ANKIB1: variants seen among roughly 807,000 people sequenced by gnomAD.
ANKIB1 encodes the protein ankyrin repeat and IBR domain containing 1.
A neutral mutation model predicts 122.1 loss-of-function variants in ANKIB1; 43 were observed. That is an observed-to-expected ratio of 0.35 (90% confidence interval 0.28 to 0.45). The LOEUF (loss-of-function observed/expected upper bound fraction) is 0.45. Among genes scored for constraint, ANKIB1 ranks in the 20% least tolerant of loss-of-function variants. The pLI is 1.00. For synonymous variants in ANKIB1, 390 were observed against 442.0 expected, an observed-to-expected ratio of 0.88 and a Z score of 1.48; for missense variants, 992 against 1,329.5, an observed-to-expected ratio of 0.75 and a Z score of 3.95.
At chr7:92,397,650 C>T (rs2115730147) in intron 18 of ANKIB1, 73 bp from the exon 19 acceptor site, 1 of 1,563,586 alleles carries the variant, frequency 6.4e-7, no homozygotes, top group East Asian at 2.2e-5. Flanking sequence ...ATCTAAACAA[C>T]CAGATGTATG....
chr7:92,347,305 AT>A, intron 7 of ANKIB1, among the ~76,000 whole-genome samples: 1 of 151,944 alleles, frequency 6.6e-6, no homozygotes, highest in South Asian at 2.1e-4. Flanking sequence ...TTGTTTTGCT[AT>A]TTTTGTTTTA....
intron 4 of ANKIB1, among the ~76,000 whole-genome samples, chr7:92,326,468 T>C (rs1244129379): frequency 6.6e-6 from 1 of 152,114 alleles, no homozygotes; most frequent in African/African-American, 2.4e-5. Flanking sequence ...ATTTAGGATA[T>C]AAGACCAGGA....
chr7:92,341,059 C>T (rs1161945217), intron 5 of ANKIB1, among the ~76,000 whole-genome samples: 1 of 152,136 alleles, frequency 6.6e-6, no homozygotes, highest in African/African-American at 2.4e-5. Context: ...AATCCCAGCA[C>T]TTTGTGAGGC....
At chr7:92,354,949 T>C (rs1803760587) in intron 9 of ANKIB1, among the ~76,000 whole-genome samples, 1 of 152,168 alleles carries the variant, frequency 6.6e-6, no homozygotes, top group African/African-American at 2.4e-5. Context: ...CAAACGACAA[T>C]AATAATTTCT....
chr7:92,303,513 C>T (rs1284215104), intron 2 of ANKIB1, among the ~76,000 whole-genome samples: 1 of 152,036 alleles, frequency 6.6e-6, no homozygotes. Context: ...AGAGAAATGG[C>T]TTTCAGAGTG....
intron 10 of ANKIB1, among the ~76,000 whole-genome samples, chr7:92,363,253 A>C (rs1262635291): frequency 6.6e-6 from 1 of 152,102 alleles, no homozygotes; most frequent in African/African-American, 2.4e-5. Flanking sequence ...TCTACTAAAA[A>C]TAAAAAAATT....
At chr7:92,354,353 C>T (rs1803737886) in intron 9 of ANKIB1, among the ~76,000 whole-genome samples, 1 of 152,152 alleles carries the variant, frequency 6.6e-6, no homozygotes, top group African/African-American at 2.4e-5. Flanking sequence ...ATCACGGGCC[C>T]TACTTTGAGT....
intron 11 of ANKIB1, 110 bp downstream of exon 11, chr7:92,371,717 C>T: frequency 8.0e-7 from 1 of 1,253,176 alleles, no homozygotes; most frequent in Non-Finnish European, 1.1e-6. Context: ...GTGGCTCTTG[C>T]CTATAATCCC....
intron 11 of ANKIB1, among the ~76,000 whole-genome samples, chr7:92,372,046 A>G (rs1254759424): frequency 1.3e-5 from 2 of 148,884 alleles, no homozygotes; most frequent in Non-Finnish European, 3.0e-5. Flanking sequence ...CCTTATATAG[A>G]TCTTTTGCAA....
chr7:92,247,202 G>GT (rs1420865084), intron 1 of ANKIB1, among the ~76,000 whole-genome samples: 21 of 152,216 alleles, frequency 1.4e-4, no homozygotes, highest in African/African-American at 5.1e-4. Context: ...CATTTCAGAA[G>GT]AGCTTTACTG....
At chr7:92,343,258 C>T in intron 6 of ANKIB1, 26 bp downstream of exon 6, 4 of 1,579,386 alleles carry the variant, frequency 2.5e-6, no homozygotes, top group South Asian at 2.2e-5. Flanking sequence ...CACTGTACTT[C>T]TCATAGCTTT....
rs753189016 is a variant in ANKIB1, at chr7:92,397,785, A to G, written c.2458A>G (p.Met820Val). Residue 820 changes from methionine (M) to valine (V), a missense_variant, in exon 19 of 20, where the codon ATG (methionine) becomes GTG (valine). Met to Val is a conservative substitution (Grantham distance 21). Around this residue, in one of 4 missense-constraint regions of ANKIB1, gnomAD observed 384 missense variants for 412.0 expected, o/e 0.93. Coordinates refer to ENST00000265742, the MANE Select transcript of ANKIB1 (RefSeq NM_019004.2). ...PGTSVVSSAS[M>V]SVLHSSSLRD... ...CACATCCGTGGTAAGTTCTGCATCT[A>G]TGAGTGTGCTGCACAGCTCTTCCCT... The G allele has an allele frequency of 3.1e-6, 5 of 1,608,948 alleles. No homozygotes were observed. The highest frequency in any genetic ancestry group is 3.4e-5 in the Admixed American group (2 of 58,560).
At chr7:92,372,468 C>T (rs62467846) in intron 11 of ANKIB1, among the ~76,000 whole-genome samples, 6,561 of 152,078 alleles carry the variant, frequency 0.043, 197 homozygotes, top group Non-Finnish European at 0.067. Flanking sequence ...TCCATGGATA[C>T]CAGGGAACAC....
At chr7:92,396,530 T>C (rs1804896105) in intron 18 of ANKIB1, 54 bp downstream of exon 18, 1 of 867,534 alleles carries the variant, frequency 1.2e-6, no homozygotes, top group Non-Finnish European at 1.8e-6. Flanking sequence ...GAATTTATCC[T>C]TCAAACTGGC....
chr7:92,299,833 G>T (rs187543724), intron 2 of ANKIB1, among the ~76,000 whole-genome samples: 1 of 152,098 alleles, frequency 6.6e-6, no homozygotes, highest in African/African-American at 2.4e-5. Flanking sequence ...CTGAGACAGG[G>T]TCTTGCTCTG....
At chr7:92,285,604 G>T (rs898113192) in intron 1 of ANKIB1, among the ~76,000 whole-genome samples, 2 of 152,152 alleles carry the variant, frequency 1.3e-5, no homozygotes, top group Non-Finnish European at 2.9e-5. Context: ...TTCTAGACTA[G>T]CTCCATCTTA....
intron 1 of ANKIB1, among the ~76,000 whole-genome samples, chr7:92,257,696 G>A (rs1801476278): frequency 6.6e-6 from 1 of 152,210 alleles, no homozygotes; most frequent in Admixed American, 6.5e-5. Flanking sequence ...GGAGGCTGAG[G>A]CAGGAGAATC....
At chr7:92,305,511 AACAG>A (rs1802541854) in intron 2 of ANKIB1, among the ~76,000 whole-genome samples, 1 of 152,212 alleles carries the variant, frequency 6.6e-6, no homozygotes, top group African/African-American at 2.4e-5. Context: ...GGGAGAAGGG[AACAG>A]ACAGGTAAAA....
At chr7:92,335,586 A>G (rs1803271246) in intron 5 of ANKIB1, among the ~76,000 whole-genome samples, 1 of 151,876 alleles carries the variant, frequency 6.6e-6, no homozygotes, top group African/African-American at 2.4e-5. Flanking sequence ...ATTTATAATT[A>G]TGTCTTTCTG....
Sources: gnomAD v4.1 joint callset for allele counts (sites outside exome capture counted in the v4.1 genomes callset) on GRCh38, gnomAD v4.1.1 for gene constraint, gnomAD v4.1.1 regional missense constraint, MANE v1.5 for transcripts, NCBI Gene and HGNC (gene_info 2026-07-23, HGNC 2026-07-21) for gene names.